Variants in CMKLR1 observed in about 807,000 individuals in gnomAD.
The protein encoded by CMKLR1 is chemerin chemokine-like receptor 1.
In CMKLR1, 6 loss-of-function variants were observed where a neutral mutation model predicts 8.2. The observed-to-expected ratio is 0.73, with a 90% CI of 0.40 to 1.44. The LOEUF (loss-of-function observed/expected upper bound fraction) is 1.44. CMKLR1 is among the 40% of genes most tolerant of loss of function. CMKLR1 has a pLI of 0.02. For synonymous variants in CMKLR1, 178 were observed against 181.2 expected, an observed-to-expected ratio of 0.98 and a Z score of 0.14; for missense variants, 429 against 478.0, an observed-to-expected ratio of 0.90 and a Z score of 0.96.
intron 2 of CMKLR1, among the ~76,000 whole-genome samples, chr12:108,306,945 C>A (rs1891423640): frequency 6.6e-6 from 1 of 152,188 alleles, no homozygotes; most frequent in African/African-American, 2.4e-5. Flanking sequence ...CCAGGAAGCC[C>A]CTGTAGCCCC....
chr12:108,309,900 A>C (rs1891505445), intron 2 of CMKLR1, among the ~76,000 whole-genome samples: 1 of 152,202 alleles, frequency 6.6e-6, no homozygotes, highest in South Asian at 2.1e-4. Context: ...CTTTCATAGG[A>C]GAGCACGTAT....
At chr12:108,335,362 A>C (rs1892197102) in intron 1 of CMKLR1, among the ~76,000 whole-genome samples, 1 of 152,100 alleles carries the variant, frequency 6.6e-6, no homozygotes, top group Admixed American at 6.5e-5. Context: ...CAAATATGCC[A>C]CCTCCATACT....
chr12:108,337,387 C>A lies in CMKLR1; in HGVS notation c.-287+1640G>T, dbSNP rs542583043. Among the ~76,000 whole-genome samples the A allele has an allele frequency of 8.5e-5, 13 of 152,314 alleles. No individual in the cohort carries two copies. In the South Asian group the frequency reaches 2.7e-3, roughly 32 times the overall value. On this transcript the variant is annotated intron_variant, in intron 1 of 3. Transcript: ENST00000550402. Reference sequence around the variant, plus strand: ...CATTTTACAGATGGTGAAACTGACACCTGGTTACTTTATTTATTCCATGAA... The same window carrying A: ...CATTTTACAGATGGTGAAACTGACAACTGGTTACTTTATTTATTCCATGAA...
chr12:108,300,966 G>GA (rs1163407435), intron 2 of CMKLR1, among the ~76,000 whole-genome samples: 1 of 151,474 alleles, frequency 6.6e-6, no homozygotes, highest in Non-Finnish European at 1.5e-5. Context: ...CTCAGGGGGT[G>GA]AAAAAAGCCC....
intron 2 of CMKLR1, among the ~76,000 whole-genome samples, chr12:108,329,274 C>A (rs1892050875): frequency 6.6e-6 from 1 of 152,146 alleles, no homozygotes; most frequent in African/African-American, 2.4e-5. Flanking sequence ...GCATTCCGAC[C>A]TCCTCCTGCC....
chr12:108,328,021 C>T (rs1014253320), intron 2 of CMKLR1, among the ~76,000 whole-genome samples: 1 of 152,138 alleles, frequency 6.6e-6, no homozygotes, highest in Non-Finnish European at 1.5e-5. Flanking sequence ...ACAGGCTGCT[C>T]ACAGCAGTTC....
chr12:108,321,634 A>T (rs1434843319), intron 2 of CMKLR1, among the ~76,000 whole-genome samples: 1 of 152,110 alleles, frequency 6.6e-6, no homozygotes, highest in Non-Finnish European at 1.5e-5. Flanking sequence ...CTTCAGGGAA[A>T]CCCAATCTGA....
chr12:108,295,308 T>A (rs1891105588), intron 2 of CMKLR1, among the ~76,000 whole-genome samples: 1 of 152,180 alleles, frequency 6.6e-6, no homozygotes, highest in Admixed American at 6.5e-5. Flanking sequence ...GAGCTGGGAT[T>A]TGAACCACAT....
At chr12:108,296,723 G>A (rs547602901) in intron 2 of CMKLR1, among the ~76,000 whole-genome samples, 1 of 152,122 alleles carries the variant, frequency 6.6e-6, no homozygotes, top group Non-Finnish European at 1.5e-5. Flanking sequence ...CTACTCAGGA[G>A]GCTGAGGCAG....
chr12:108,319,198 G>A (rs954842953), intron 2 of CMKLR1, among the ~76,000 whole-genome samples: 4 of 152,212 alleles, frequency 2.6e-5, no homozygotes, highest in African/African-American at 4.8e-5. Flanking sequence ...ACCATGAGCA[G>A]AGATCTTTGA....
intron 1 of CMKLR1, among the ~76,000 whole-genome samples, chr12:108,333,336 A>G (rs1593181731): frequency 6.6e-6 from 1 of 152,268 alleles, no homozygotes; most frequent in South Asian, 2.1e-4. Flanking sequence ...GAGACTGTCT[A>G]TGGTGAAGAC....
chr12:108,325,151 G>A (rs1891952993), intron 2 of CMKLR1, among the ~76,000 whole-genome samples: 1 of 152,162 alleles, frequency 6.6e-6, no homozygotes, highest in African/African-American at 2.4e-5. Context: ...GCAGCCTGGA[G>A]TTGTCCCCAG....
In CMKLR1 at chr12:108,292,833, C is replaced by G. The variant is rs761155992; in HGVS notation, c.130G>C (p.Val44Leu). 6 of 1,614,142 alleles carry G rather than the reference C, an allele frequency of 3.7e-6. No individual in the cohort carries two copies. In the East Asian group the frequency reaches 1.1e-4, roughly 30 times the overall value. The stretch of plus-strand genomic sequence containing the variant: ...AAGCAGACGATGCTGTAGACCACCA[C>G]CAGGAAGATCCTGGTCACCCTGGCT... ...LEARVTRIFL[V>L]VVYSIVCFLG... Residue 44 changes from valine (V) to leucine (L), a missense_variant, in exon 4 of 4, where the codon GTG becomes CTG. Coordinates refer to ENST00000550402, the MANE Select transcript of CMKLR1 (RefSeq NM_001142343.2).
intron 2 of CMKLR1, among the ~76,000 whole-genome samples, chr12:108,320,340 C>G (rs1215854096): frequency 1.3e-5 from 2 of 152,030 alleles, no homozygotes; most frequent in African/African-American, 2.4e-5. Flanking sequence ...GGGACGAAGC[C>G]CTGAGCTTCC....
At position 108,303,895 on chromosome 12, in the gene CMKLR1, A is replaced by T. The variant is rs144965521; in HGVS notation, c.-73-10231T>A. Reference sequence around the variant, plus strand: ...TCATTTATTCATCCATCCTCCAAGGACATGTGGAGCCTTCTGCGCCCCAGA... The same window carrying T: ...TCATTTATTCATCCATCCTCCAAGGTCATGTGGAGCCTTCTGCGCCCCAGA... On this transcript the variant is annotated intron_variant, in intron 2 of 3. Transcript: ENST00000550402. Among the ~76,000 whole-genome samples the T allele has an allele frequency of 3.5e-3, 540 of 152,340 alleles. 2 individuals are homozygous for T. Among genetic ancestry groups the T allele is most frequent in the African/African-American group, 0.012 (515 of 41,576 alleles).
intron 2 of CMKLR1, among the ~76,000 whole-genome samples, chr12:108,308,198 C>A (rs879740787): frequency 6.6e-6 from 1 of 152,156 alleles, no homozygotes; most frequent in Non-Finnish European, 1.5e-5. Flanking sequence ...GCCTCAGGAG[C>A]CTCATCTGTA....
intron 2 of CMKLR1, among the ~76,000 whole-genome samples, chr12:108,312,701 T>C (rs187315192): frequency 1.0e-3 from 159 of 152,160 alleles, no homozygotes; most frequent in African/African-American, 3.5e-3. Flanking sequence ...GACTCTGGAG[T>C]CCAGGTCTTC....
intron 2 of CMKLR1, among the ~76,000 whole-genome samples, chr12:108,294,426 GAGTTTGCA>G (rs1377596798): frequency 6.6e-6 from 1 of 152,206 alleles, no homozygotes; most frequent in Non-Finnish European, 1.5e-5. Flanking sequence ...ATATTCTGAG[GAGTTTGCA>G]AGTTTGCAAG....
intron 2 of CMKLR1, among the ~76,000 whole-genome samples, chr12:108,294,659 C>T (rs1891082811): frequency 6.6e-6 from 1 of 152,148 alleles, no homozygotes; most frequent in Non-Finnish European, 1.5e-5. Flanking sequence ...TCAATAAATA[C>T]TAGTGATTGC....
Sources: gnomAD v4.1 joint callset for allele counts (sites outside exome capture counted in the v4.1 genomes callset) on GRCh38, gnomAD v4.1.1 for gene constraint, MANE v1.5 for transcripts, NCBI Gene and HGNC (gene_info 2026-07-23, HGNC 2026-07-21) for gene names.